The following URI1 variants were observed in gnomAD, a reference collection of about 807,000 sequenced individuals.
URI1 encodes the protein URI1 prefoldin like chaperone, also known as unconventional prefoldin RPB5 interactor 1.
URI1 carries 39 observed loss-of-function variants against 60.2 expected under a neutral mutation model. That is an observed-to-expected ratio of 0.65 (90% CI 0.50 to 0.85). The LOEUF is 0.85. Ranked by LOEUF, URI1 falls within the 40% of genes least tolerant of loss-of-function variation. The pLI, the probability that URI1 is intolerant of heterozygous loss-of-function variation, is 0.00. For synonymous variants in URI1, 251 were observed against 236.8 expected, an observed-to-expected ratio of 1.06 and a Z score of -0.55; for missense variants, 691 against 665.9, an observed-to-expected ratio of 1.04 and a Z score of -0.42.
intron 2 of URI1, among the ~76,000 whole-genome samples, chr19:29,978,624 GAGTGCTTGTTCTT>G (rs1599695024): frequency 6.6e-6 from 1 of 152,120 alleles, no homozygotes; most frequent in Non-Finnish European, 1.5e-5. Context: ...TGATAATCCT[GAGTGCTTGTTCTT>G]ATTTTGAGAA....
At chr19:29,983,675 C>T (rs1856376406) in intron 2 of URI1, among the ~76,000 whole-genome samples, 1 of 152,140 alleles carries the variant, frequency 6.6e-6, no homozygotes, top group East Asian at 1.9e-4. Flanking sequence ...TGTATCTTAG[C>T]AGGGAACCCT....
intron 9 of URI1, 143 bp from the exon 10 acceptor site, chr19:30,012,140 TTG>T: frequency 1.8e-5 from 17 of 932,438 alleles, no homozygotes; most frequent in Non-Finnish European, 2.5e-5. Flanking sequence ...TATAAAATTA[TTG>T]TGATTGTGAC....
At chr19:30,001,167 T>C (rs1384678753) in intron 4 of URI1, among the ~76,000 whole-genome samples, 1 of 151,938 alleles carries the variant, frequency 6.6e-6, no homozygotes, top group African/African-American at 2.4e-5. Context: ...CTAGCATTAA[T>C]GTTCAAGAAT....
chr19:29,940,102 C>T (rs576112686), upstream of URI1, among the ~76,000 whole-genome samples: 2 of 152,270 alleles, frequency 1.3e-5, no homozygotes, highest in Non-Finnish European at 2.9e-5. Flanking sequence ...ATTTACTGGC[C>T]TTTTAAACGG....
rs532041290 is a variant in URI1 at position 29,931,757 on chromosome 19, C to T, written c.63+8003C>T. On this transcript the variant is annotated intron_variant, in intron 1 of 10. Coordinates refer to the URI1 transcript ENST00000360605. Reference sequence around the variant, plus strand: ...TAATTTTTTTACTAAATATTTTATTCTTGATGTTACTGTACATGGAATTGT... The same window carrying T: ...TAATTTTTTTACTAAATATTTTATTTTTGATGTTACTGTACATGGAATTGT... Among the ~76,000 whole-genome samples the T allele has an allele frequency of 9.9e-5, 15 of 152,168 alleles. No homozygotes were observed. In the South Asian group the frequency reaches 2.7e-3, roughly 27 times the overall value.
intron 1 of URI1, among the ~76,000 whole-genome samples, chr19:29,957,343 C>G (rs1358989919): frequency 7.2e-6 from 1 of 139,114 alleles, no homozygotes; most frequent in Non-Finnish European, 1.6e-5. Context: ...GAACTGGATG[C>G]CAGATATTGT....
In URI1 at chr19:29,986,296, T is replaced by A. The variant is rs764468364; in HGVS notation, c.246T>A (p.Pro82=). The part of the protein sequence containing the change: ...LSYNIMVPFG[P]FAFMPGKLVH... ...TTAAACAATAGGTACCATTTGGCCC[T>A]TTTGCCTTCATGCCAGGAAAACTTG... Residue 82 remains proline (P), a synonymous_variant, in exon 4 of 11, where the codon CCT becomes CCA. Transcript: ENST00000392271. The A allele has an allele frequency of 6.3e-7, 1 of 1,597,372 alleles. No individual in the cohort carries two copies. Among genetic ancestry groups the A allele is most frequent in the South Asian group, 1.1e-5 (1 of 87,716 alleles).
intron 2 of URI1, among the ~76,000 whole-genome samples, chr19:29,975,880 TGTAA>T (rs1238130660): frequency 1.1e-4 from 17 of 152,200 alleles, no homozygotes; most frequent in Admixed American, 2.6e-4. Flanking sequence ...GTTTGCATAA[TGTAA>T]GTGTTTGTGT....
chr19:29,994,781 A>G (rs2055790467), intron 4 of URI1, among the ~76,000 whole-genome samples: 1 of 136,552 alleles, frequency 7.3e-6, no homozygotes, highest in Admixed American at 7.3e-5. Flanking sequence ...AATTCTGTGG[A>G]TTTTTTTTTT....
chr19:29,942,314 G>A lies in URI1; in HGVS notation c.-234G>A. 9 of 985,312 alleles carry A rather than the reference G, an allele frequency of 9.1e-6. No individual in the cohort carries two copies. The highest frequency in any genetic ancestry group is 1.1e-5 in the Non-Finnish European group (9 of 829,744). The allele number at this position is 985,312 out of a possible 1,614,324, so 61.0% of individuals were successfully genotyped here. ...GAGGCGTCTCGGTACCTGGCAGGCG[G>A]CCTGCTACTCGGAGCCCGCTGCGGG... On this transcript the variant is annotated 5_prime_UTR_variant, in exon 1 of 11. Coordinates refer to ENST00000392271, the MANE Select transcript of URI1 (RefSeq NM_003796.3).
Position 29,942,270 on chromosome 19 carries a change from T to C in URI1, c.-278T>C, listed in dbSNP as rs928538894. On this transcript the variant is annotated 5_prime_UTR_variant, in exon 1 of 11. Coordinates refer to ENST00000392271, the MANE Select transcript of URI1 (RefSeq NM_003796.3). ...GGAGGCGCGGCCGCCACGCGACGCC[T>C]GGCTGGGCCCGCACCGGAGAGGCGT... 1.0e-5 allele frequency: 10 copies of C among 984,358 alleles called. No homozygotes were observed. Among genetic ancestry groups the C allele is most frequent in the Non-Finnish European group, 1.2e-5 (10 of 829,582 alleles). The allele number at this position is 984,358 out of a possible 1,614,324, so 61.0% of individuals were successfully genotyped here. A position where few individuals can be genotyped will look rare whatever the true frequency, so the allele number is the denominator to read the frequency against.
Position 30,016,608 on chromosome 19 carries a change from A to T in URI1, c.*1539A>T, listed in dbSNP as rs1468474346. The T allele has an allele frequency of 6.6e-6, 1 of 152,122 alleles. No homozygotes were observed. Among genetic ancestry groups the T allele is most frequent in the Non-Finnish European group, 1.5e-5 (1 of 67,964 alleles). The allele number at this position is 152,122 out of a possible 1,614,324, so 9.4% of individuals were successfully genotyped here. ...TGTCATTAAATAATTTTTCATGTTC[A>T]CAGACTTGATTTTGAGCCTGTCTAT... On this transcript the variant is annotated 3_prime_UTR_variant, in exon 11 of 11. Transcript: ENST00000392271.
chr19:29,968,200 C>G (rs1043386522), intron 1 of URI1, among the ~76,000 whole-genome samples: 2 of 152,148 alleles, frequency 1.3e-5, no homozygotes, highest in Non-Finnish European at 2.9e-5. Flanking sequence ...AGCCTAGTAA[C>G]TATTTTTAAG....
At chr19:30,011,018 A>T in intron 8 of URI1, 76 bp from the exon 9 acceptor site, 1 of 1,480,942 alleles carries the variant, frequency 6.8e-7, no homozygotes, top group Non-Finnish European at 9.2e-7. Flanking sequence ...TTTTTTAGTT[A>T]TAGAGTTTAT....
intron 4 of URI1, among the ~76,000 whole-genome samples, chr19:29,994,413 A>G (rs2055785500): frequency 6.6e-6 from 1 of 151,250 alleles, no homozygotes. Flanking sequence ...CAGTTAGGTG[A>G]TAACTCCCCA....
At chr19:30,009,628 T>G (rs2055993219) in intron 8 of URI1, among the ~76,000 whole-genome samples, 1 of 152,170 alleles carries the variant, frequency 6.6e-6, no homozygotes, top group South Asian at 2.1e-4. Context: ...TCACCTGTCC[T>G]TCATTCAGAG....
intron 4 of URI1, among the ~76,000 whole-genome samples, chr19:29,987,542 G>GGC (rs1204797954): frequency 6.6e-6 from 1 of 152,054 alleles, no homozygotes; most frequent in Non-Finnish European, 1.5e-5. Context: ...AAAGAGAATG[G>GGC]GCATACTTTT....
chr19:29,949,018 C>G (rs948613132), intron 1 of URI1, among the ~76,000 whole-genome samples: 1 of 142,820 alleles, frequency 7.0e-6, no homozygotes, highest in Admixed American at 6.8e-5. Context: ...TGCCCCCCGC[C>G]TCCCTCCCGG....
chr19:29,938,478 T>G (rs1298970827), upstream of URI1, among the ~76,000 whole-genome samples: 7 of 151,950 alleles, frequency 4.6e-5, no homozygotes, highest in Admixed American at 4.6e-4. Flanking sequence ...CTTCCAACAT[T>G]AGGGATCACG....
Sources: allele counts gnomAD v4.1 joint callset (sites outside exome capture counted in the v4.1 genomes callset), GRCh38; gene constraint gnomAD v4.1.1; transcripts MANE v1.5; gene names NCBI Gene and HGNC (gene_info 2026-07-23, HGNC 2026-07-21).